The following OR1F1 variants were observed in gnomAD, a reference collection of about 807,000 sequenced individuals.
OR1F1 encodes the protein olfactory receptor family 1 subfamily F member 1.
For synonymous variants in OR1F1, 184 were observed against 156.7 expected, an observed-to-expected ratio of 1.17 and a Z score of -1.30; for missense variants, 493 against 376.3, an observed-to-expected ratio of 1.31 and a Z score of -2.57.
the OR1F1 span, among the ~76,000 whole-genome samples, chr16:3,198,236 G>A: frequency 6.6e-6 from 1 of 152,064 alleles, no homozygotes; most frequent in Non-Finnish European, 1.5e-5. Context: ...AAGTATGCAG[G>A]GTGAGTTGGC....
downstream of OR1F1, chr16:3,205,281 A>C (rs977684087): frequency 7.1e-6 from 6 of 840,850 alleles, no homozygotes; most frequent in African/African-American, 5.2e-5. Context: ...TGTTCTTGCT[A>C]GTGACACACT....
chr16:3,189,798 G>C, the OR1F1 span: 1 of 152,096 alleles, frequency 6.6e-6, no homozygotes, highest in Non-Finnish European at 1.5e-5. Flanking sequence ...GCCCTGCAAA[G>C]GTAATTTGTA....
At chr16:3,189,424 T>C in the OR1F1 span, among the ~76,000 whole-genome samples, 1 of 152,202 alleles carries the variant, frequency 6.6e-6, no homozygotes, top group Non-Finnish European at 1.5e-5. Context: ...CCCTTCTGGA[T>C]TGTGGTAGCG....
downstream of OR1F1, chr16:3,205,250 AGT>A: frequency 8.7e-7 from 1 of 1,155,874 alleles, no homozygotes; most frequent in Non-Finnish European, 1.2e-6. Context: ...AGTTTAATGC[AGT>A]AGTTGTTTCA....
chr16:3,205,282 G>C (rs1958192383), downstream of OR1F1: 5 of 834,410 alleles, frequency 6.0e-6, no homozygotes, highest in Non-Finnish European at 9.4e-6. Context: ...GTTCTTGCTA[G>C]TGACACACTT....
chr16:3,204,175 T>A, upstream of OR1F1: 2 of 1,200,962 alleles, frequency 1.7e-6, no homozygotes, highest in Non-Finnish European at 2.3e-6. Context: ...CTGTGCCCCA[T>A]CTTAACCAGC....
At chr16:3,191,983 T>A in the OR1F1 span, among the ~76,000 whole-genome samples, 1 of 152,184 alleles carries the variant, frequency 6.6e-6, no homozygotes, top group Non-Finnish European at 1.5e-5. Flanking sequence ...AAGGGCCTGC[T>A]GCTGTGGCTC....
the OR1F1 span, among the ~76,000 whole-genome samples, chr16:3,192,912 G>A: frequency 6.6e-6 from 1 of 151,962 alleles, no homozygotes; most frequent in Non-Finnish European, 1.5e-5. Flanking sequence ...TGTGCCCCGC[G>A]GGATTAAAAA....
exon 1 of OR1F1, chr16:3,204,326 T>C (rs1262647792): frequency 1.2e-6 from 2 of 1,613,994 alleles, no homozygotes; most frequent in African/African-American, 2.7e-5. Flanking sequence ...CAGCATCTCC[T>C]CTTTGTGTTC....
downstream of OR1F1, among the ~76,000 whole-genome samples, chr16:3,206,488 C>T (rs1022144763): frequency 6.6e-6 from 1 of 152,124 alleles, no homozygotes. Context: ...TAATAAAAAC[C>T]TCCTGGTTTT....
upstream of OR1F1, among the ~76,000 whole-genome samples, chr16:3,199,570 G>A (rs62032752): frequency 1 from 152,196 of 152,196 alleles, 76,098 homozygotes; most frequent in Non-Finnish European, 1. Flanking sequence ...AGCTTAAGCG[G>A]GCCTCCCACC....
upstream of OR1F1, among the ~76,000 whole-genome samples, chr16:3,202,955 A>G (rs1296053026): frequency 1.3e-5 from 2 of 151,346 alleles, no homozygotes; most frequent in Admixed American, 6.6e-5. Flanking sequence ...TGAAAATCCA[A>G]AGGTTATCTT....
At chr16:3,204,652 A>T (rs984693050) in exon 1 of OR1F1, 11 of 1,614,032 alleles carry the variant, frequency 6.8e-6, no homozygotes, top group Non-Finnish European at 8.5e-6. Context: ...CACAGCAAAG[A>T]TGACCCATCA....
chr16:3,190,520 G>A, the OR1F1 span, among the ~76,000 whole-genome samples: 2 of 152,212 alleles, frequency 1.3e-5, no homozygotes, highest in African/African-American at 4.8e-5. Context: ...GGAGGCTGAG[G>A]CAGGTTAATC....
Position 3,204,622 on chromosome 16 carries a change from G to A in OR1F1, c.376G>A (p.Val126Met), listed in dbSNP as rs8045183. The change falls in exon 1 of 1, where the codon GTG becomes ATG. Residue 126 changes from valine (V) to methionine (M), a missense_variant. Coordinates refer to ENST00000304646, the Ensembl canonical transcript of OR1F1. ...GATGGCCTATGACCACTTTGTCGCCGTGTGCCACCCCTTACATTACACAGC... is the reference window on the plus strand; with the variant it reads ...GATGGCCTATGACCACTTTGTCGCCATGTGCCACCCCTTACATTACACAGC... 5.5e-3 allele frequency: 8,935 copies of A among 1,614,032 alleles called. 387 individuals are homozygous for A. The African/African-American group carries it at 0.097, about 18-fold the overall frequency.
chr16:3,192,022 G>C, the OR1F1 span, among the ~76,000 whole-genome samples: 38 of 152,172 alleles, frequency 2.5e-4, no homozygotes, highest in African/African-American at 8.4e-4. Flanking sequence ...TTCTCGCTTA[G>C]GATGCGAGAG....
chr16:3,197,777 AGGAG>A, the OR1F1 span, among the ~76,000 whole-genome samples: 2 of 13,176 alleles, frequency 1.5e-4, no homozygotes, highest in Non-Finnish European at 1.5e-4. Context: ...GAGAGGGAGA[AGGAG>A]GGAGAGGGAG....
chr16:3,204,806 T>C, exon 1 of OR1F1: 1 of 1,614,040 alleles, frequency 6.2e-7, no homozygotes, highest in Non-Finnish European at 8.5e-7. Flanking sequence ...CTACTGAAAC[T>C]CTCCTGCTCA....
chr16:3,193,260 G>C, the OR1F1 span, among the ~76,000 whole-genome samples: 1 of 152,194 alleles, frequency 6.6e-6, no homozygotes, highest in African/African-American at 2.4e-5. Flanking sequence ...TGGACCCCAG[G>C]AGGACCTGAC....
Sources: allele counts gnomAD v4.1 joint callset (sites outside exome capture counted in the v4.1 genomes callset), GRCh38; gene constraint gnomAD v4.1.1; transcripts MANE v1.5; gene names NCBI Gene and HGNC (gene_info 2026-07-23, HGNC 2026-07-21).